Variants in CACNA1E observed in about 807,000 individuals in gnomAD.
CACNA1E encodes voltage-dependent R-type calcium channel subunit alpha-1E.
In CACNA1E, 40 loss-of-function variants were observed where a neutral mutation model predicts 259.2. That is an observed-to-expected ratio of 0.15 (90% CI 0.12 to 0.20). The LOEUF (loss-of-function observed/expected upper bound fraction) is 0.20, where lower values mean the gene tolerates loss of function less well. CACNA1E is among the 10% of genes least tolerant of loss of function. CACNA1E has a pLI of 1.00. For synonymous variants in CACNA1E, 1,104 were observed against 1,138.5 expected, an observed-to-expected ratio of 0.97 and a Z score of 0.61; for missense variants, 1,874 against 3,040.1, an observed-to-expected ratio of 0.62 and a Z score of 9.02.
intron 32 of CACNA1E, among the ~76,000 whole-genome samples, chr1:181,760,175 T>A (rs575157221): frequency 3.3e-5 from 5 of 152,170 alleles, no homozygotes; most frequent in Admixed American, 6.5e-5. Context: ...TTAAGTCCCA[T>A]TATGTGTCTA....
chr1:181,415,173 A>G (rs1658172518), intron 2 of CACNA1E, among the ~76,000 whole-genome samples: 1 of 152,250 alleles, frequency 6.6e-6, no homozygotes, highest in African/African-American at 2.4e-5. Context: ...TGAGACTGTC[A>G]TGCACATTGT....
chr1:181,497,553 C>T (rs926238004), intron 1 of CACNA1E, among the ~76,000 whole-genome samples: 7 of 152,166 alleles, frequency 4.6e-5, no homozygotes, highest in African/African-American at 1.4e-4. Context: ...GTATGACAGG[C>T]ACTCTACAGT....
chr1:181,539,467 C>T (rs1441717450), intron 3 of CACNA1E, among the ~76,000 whole-genome samples: 1 of 152,112 alleles, frequency 6.6e-6, no homozygotes, highest in African/African-American at 2.4e-5. Flanking sequence ...TCAAGGATAC[C>T]TTTAAGGCCA....
chr1:181,625,726 A>C (rs1454604355), intron 6 of CACNA1E, among the ~76,000 whole-genome samples: 1 of 152,182 alleles, frequency 6.6e-6, no homozygotes, highest in African/African-American at 2.4e-5. Context: ...TAGCTTTCTT[A>C]TTCATGTGTT....
intron 3 of CACNA1E, among the ~76,000 whole-genome samples, chr1:181,530,309 G>A (rs1281249514): frequency 6.6e-6 from 1 of 152,142 alleles, no homozygotes; most frequent in African/African-American, 2.4e-5. Flanking sequence ...TTTGTTTCCA[G>A]TTTCAGGTAT....
chr1:181,429,385 T>C (rs1326628951), intron 2 of CACNA1E, among the ~76,000 whole-genome samples: 2 of 152,192 alleles, frequency 1.3e-5, no homozygotes, highest in African/African-American at 4.8e-5. Context: ...TCTGTTGCGG[T>C]GCCTGCCTCT....
chr1:181,747,449 C>CTT lies in CACNA1E; in HGVS notation c.3720-3027_3720-3026insTT, dbSNP rs1558340074. On this transcript the variant is annotated intron_variant, in intron 25 of 47. Coordinates refer to ENST00000367573, the MANE Select transcript of CACNA1E (RefSeq NM_001205293.3). ...TACTGATGAAACAAGAAAAATCTGTCATTTTTTTTTTTTTTTTTTTACTGG... is the reference window on the plus strand; with the variant it reads ...TACTGATGAAACAAGAAAAATCTGTCTTATTTTTTTTTTTTTTTTTTTACTGG... 2.6e-5 allele frequency among the ~76,000 whole-genome samples: 3 copies of CTT among 117,322 alleles called. 1 individual carries two copies. Among genetic ancestry groups the CTT allele is most frequent in the Non-Finnish European group, 5.5e-5 (3 of 54,424 alleles). The allele number at this position is 117,322 out of a possible 152,430, so 77.0% of individuals were successfully genotyped here. A position where few individuals can be genotyped will look rare whatever the true frequency, so the allele number is the denominator to read the frequency against.
intron 1 of CACNA1E, among the ~76,000 whole-genome samples, chr1:181,397,524 C>A (rs1656770315): frequency 6.6e-6 from 1 of 152,174 alleles, no homozygotes; most frequent in South Asian, 2.1e-4. Context: ...TGGTCTCGAA[C>A]TGGCCTCGAG....
intron 2 of CACNA1E, among the ~76,000 whole-genome samples, chr1:181,417,597 T>C (rs1422292114): frequency 6.6e-6 from 1 of 152,230 alleles, no homozygotes; most frequent in South Asian, 2.1e-4. Flanking sequence ...TCACTGTGAA[T>C]TGATGACTGC....
In CACNA1E at chr1:181,758,191, TC is replaced by T; in HGVS notation, c.4494+83del. On this transcript the variant is annotated intron_variant, in intron 31 of 47. Transcript: ENST00000367573. The surrounding 1 kb of genome is among the most constrained non-coding windows in gnomAD (Gnocchi z 4.2). ...GGGCAAGTGGGAAGACACCCCAACA[TC>T]CCAGCCCATCACTGCTTTACCTACT... 1 of 1,248,108 alleles carries T rather than the reference TC, an allele frequency of 8.0e-7. No homozygotes were observed. The highest frequency in any genetic ancestry group is 1.1e-6 in the Non-Finnish European group (1 of 869,912). The allele number at this position is 1,248,108 out of a possible 1,614,324, so 77.3% of individuals were successfully genotyped here. A position where few individuals can be genotyped will look rare whatever the true frequency, so the allele number is the denominator to read the frequency against.
At chr1:181,525,765 C>T (rs563984917) in intron 3 of CACNA1E, among the ~76,000 whole-genome samples, 2 of 152,296 alleles carry the variant, frequency 1.3e-5, no homozygotes, top group Admixed American at 1.3e-4. Context: ...ATGGTTGTCA[C>T]GAGTCTTTGG....
At chr1:181,724,588 C>T (rs1211873685) in intron 17 of CACNA1E, 51 bp downstream of exon 17, 5 of 1,440,392 alleles carry the variant, frequency 3.5e-6, no homozygotes, top group Non-Finnish European at 4.8e-6. Flanking sequence ...CATTGGGTAC[C>T]CTTTGGCCTT....
chr1:181,318,332 C>T (rs770962378), intron 1 of CACNA1E, among the ~76,000 whole-genome samples: 4 of 152,196 alleles, frequency 2.6e-5, no homozygotes, highest in Non-Finnish European at 4.4e-5. Context: ...CTCCTCTGCA[C>T]GCTCTGTCCG....
chr1:181,739,752 T>A (rs1273070696), intron 25 of CACNA1E, among the ~76,000 whole-genome samples: 1 of 152,204 alleles, frequency 6.6e-6, no homozygotes. Flanking sequence ...GCCAGAACCA[T>A]GCTTTTGCAC....
intron 18 of CACNA1E, among the ~76,000 whole-genome samples, chr1:181,729,660 A>G (rs535461371): frequency 2.6e-4 from 40 of 152,296 alleles, no homozygotes; most frequent in South Asian, 8.3e-4. Context: ...TCTCATTCAT[A>G]TGAGTTGGAG....
intron 3 of CACNA1E, among the ~76,000 whole-genome samples, chr1:181,514,775 T>C (rs1230080751): frequency 6.6e-6 from 1 of 152,130 alleles, no homozygotes; most frequent in Non-Finnish European, 1.5e-5. Flanking sequence ...CTCTTATTGA[T>C]CTTTGCTGAG....
intron 7 of CACNA1E, among the ~76,000 whole-genome samples, chr1:181,662,042 T>A (rs1647738625): frequency 6.6e-6 from 1 of 152,206 alleles, no homozygotes; most frequent in African/African-American, 2.4e-5. Flanking sequence ...ATTTCCTGTA[T>A]GATACCCTGC....
chr1:181,576,424 C>T (rs1650982211), intron 3 of CACNA1E, among the ~76,000 whole-genome samples: 1 of 152,192 alleles, frequency 6.6e-6, no homozygotes, highest in South Asian at 2.1e-4. Flanking sequence ...ATTCTGTTGT[C>T]CTGGTCTGTA....
At chr1:181,779,868 A>G (rs1660277936) in intron 38 of CACNA1E, among the ~76,000 whole-genome samples, 3 of 147,724 alleles carry the variant, frequency 2.0e-5, no homozygotes, top group African/African-American at 7.5e-5. Context: ...CTTAGTCTGT[A>G]TAGTTAATCA....
Sources: allele counts gnomAD v4.1 joint callset (sites outside exome capture counted in the v4.1 genomes callset), GRCh38; gene constraint gnomAD v4.1.1; non-coding constraint Gnocchi (gnomAD v3.1); transcripts MANE v1.5; gene names NCBI Gene and HGNC (gene_info 2026-07-23, HGNC 2026-07-21).